PHLDB2: variants seen among roughly 807,000 people sequenced by gnomAD.
PHLDB2 encodes pleckstrin homology-like domain family B member 2.
PHLDB2 carries 71 observed loss-of-function variants against 123.6 expected under a neutral mutation model. The observed-to-expected ratio is 0.57, with a 90% CI of 0.47 to 0.70. The LOEUF is 0.70. Ranked by LOEUF, PHLDB2 falls within the 30% of genes least tolerant of loss-of-function variation. The pLI is 0.00. For synonymous variants in PHLDB2, 547 were observed against 541.6 expected (o/e 1.01, Z -0.14); for missense variants, 1,446 against 1,519.5 (o/e 0.95, Z 0.80).
intron 1 of PHLDB2, among the ~76,000 whole-genome samples, chr3:111,776,099 G>A (rs1576561085): frequency 6.6e-6 from 1 of 152,148 alleles, no homozygotes; most frequent in South Asian, 2.1e-4. Flanking sequence ...TAGACTGAGA[G>A]CCCCTCATAA....
intron 1 of PHLDB2, among the ~76,000 whole-genome samples, chr3:111,770,714 C>T (rs1576550130): frequency 6.6e-6 from 1 of 152,308 alleles, no homozygotes; most frequent in Non-Finnish European, 1.5e-5. Flanking sequence ...TTACACAGTT[C>T]CCACCTCACA....
At chr3:111,913,928 G>A (rs766974604) in intron 3 of PHLDB2, 7 of 559,236 alleles carry the variant, frequency 1.3e-5, no homozygotes, top group Non-Finnish European at 2.2e-5. Flanking sequence ...TAGAAAGAAA[G>A]CACATTTCTC....
intron 1 of PHLDB2, among the ~76,000 whole-genome samples, chr3:111,869,023 A>T (rs16858743): frequency 0.029 from 4,475 of 152,312 alleles, 160 homozygotes; most frequent in South Asian, 0.13. Flanking sequence ...ATTTCTAACA[A>T]TTCCTAACGT....
intron 2 of PHLDB2, among the ~76,000 whole-genome samples, chr3:111,892,630 G>A (rs2066569373): frequency 6.6e-6 from 1 of 152,078 alleles, no homozygotes; most frequent in South Asian, 2.1e-4. Context: ...CTTCCAGAAA[G>A]GGGAAATTCT....
At chr3:111,876,929 A>G (rs924023534) in intron 1 of PHLDB2, among the ~76,000 whole-genome samples, 1 of 152,210 alleles carries the variant, frequency 6.6e-6, no homozygotes, top group South Asian at 2.1e-4. Context: ...ATAGTATTCC[A>G]TGGTGTATAT....
intron 1 of PHLDB2, among the ~76,000 whole-genome samples, chr3:111,766,472 A>T (rs555962851): frequency 4.1e-4 from 62 of 152,164 alleles, no homozygotes; most frequent in African/African-American, 1.5e-3. Flanking sequence ...ATCTGATGAA[A>T]TCTAAGAAAC....
At chr3:111,754,015 G>A (rs2059834391) in intron 1 of PHLDB2, among the ~76,000 whole-genome samples, 2 of 152,108 alleles carry the variant, frequency 1.3e-5, no homozygotes. Flanking sequence ...CTATATCTCT[G>A]TTTTGGTACC....
chr3:111,870,836 A>C (rs1424496010), intron 1 of PHLDB2, among the ~76,000 whole-genome samples: 3 of 152,190 alleles, frequency 2.0e-5, no homozygotes, highest in Admixed American at 6.5e-5. Context: ...CAGTGCTGAA[A>C]GAGACCAGCC....
At chr3:111,856,596 G>A (rs1256011152), upstream of PHLDB2, among the ~76,000 whole-genome samples, 1 of 152,198 alleles carries the variant, frequency 6.6e-6, no homozygotes, top group Non-Finnish European at 1.5e-5. Context: ...TAAATGTGCT[G>A]TGTTGGTGCA....
Position 111,884,801 on chromosome 3 carries a change from T to G in PHLDB2, c.724T>G (p.Ser242Ala). 6.2e-7 allele frequency: 1 copy of G among 1,614,000 alleles called. No individual in the cohort carries two copies. Residue 242 changes from serine to alanine, a missense_variant, in exon 2 of 18, where the codon TCC (serine) becomes GCC (alanine). Physicochemically the swap from Ser to Ala is moderately conservative, Grantham distance 99 (BLOSUM62 1). Around this residue, in one of 3 missense-constraint regions of PHLDB2, gnomAD observed 832 missense variants for 831.9 expected, o/e 1.00. Coordinates refer to ENST00000431670, the MANE Select transcript of PHLDB2 (RefSeq NM_001134438.2). The stretch of plus-strand genomic sequence containing the variant: ...CATCAATTTGAGAACTAGGAAGTAC[T>G]CCAGCAGCAGCCTGAGTCACATGGG... ...ENINLRTRKY[S>A]SSSLSHMGAY...
At chr3:111,929,671 T>G (rs2069002080) in intron 5 of PHLDB2, among the ~76,000 whole-genome samples, 1 of 152,132 alleles carries the variant, frequency 6.6e-6, no homozygotes, top group African/African-American at 2.4e-5. Context: ...CTGTGATTTA[T>G]AGCCAGGCCC....
chr3:111,949,246 C>G (rs548255528), intron 10 of PHLDB2, among the ~76,000 whole-genome samples, 171 bp downstream of exon 10: 2 of 152,170 alleles, frequency 1.3e-5, no homozygotes, highest in Non-Finnish European at 2.9e-5. Context: ...GGGGGTAATG[C>G]TCTGCCAATA....
chr3:111,906,663 C>T (rs2067553856), intron 2 of PHLDB2, among the ~76,000 whole-genome samples: 1 of 152,166 alleles, frequency 6.6e-6, no homozygotes, highest in Non-Finnish European at 1.5e-5. Flanking sequence ...TCACGTATGT[C>T]TCACTCTCAG....
rs3082317 is a variant in PHLDB2, at chr3:111,839,940, C to CTTTTTTTTTTTTTTTTTTTTTTTTTTT, written c.-48-5857_-48-5856insTTTTTTTTTTTTTTTTTTTTTTTTTTT. Among the ~76,000 whole-genome samples, 2 of 64,940 alleles carry CTTTTTTTTTTTTTTTTTTTTTTTTTTT rather than the reference C, an allele frequency of 3.1e-5. 1 individual carries two copies. 42.6% of individuals were successfully genotyped at this position (64,940 alleles called of 152,430 possible). A position where few individuals can be genotyped will look rare whatever the true frequency, so the allele number is the denominator to read the frequency against. On this transcript the variant is annotated intron_variant, in intron 1 of 17. Transcript: ENST00000393923. ...TTTGTTTAAAAGCCCCCCACCCCCGCTTTTTTTTTTTTTTTTTTTTTTTTG... is the reference window on the plus strand; with the variant it reads ...TTTGTTTAAAAGCCCCCCACCCCCGCTTTTTTTTTTTTTTTTTTTTTTTTTTTTTTTTTTTTTTTTTTTTTTTTTTTG...
At chr3:111,743,424 C>G (rs1356738736) in intron 1 of PHLDB2, among the ~76,000 whole-genome samples, 1 of 152,108 alleles carries the variant, frequency 6.6e-6, no homozygotes, top group East Asian at 1.9e-4. Context: ...GGGACTTCTG[C>G]CTCGTGGACA....
chr3:111,960,832 T>C (rs1336562284), intron 12 of PHLDB2, among the ~76,000 whole-genome samples: 1 of 152,250 alleles, frequency 6.6e-6, no homozygotes, highest in African/African-American at 2.4e-5. Context: ...TTACAAACTC[T>C]AGTACTGGCT....
intron 1 of PHLDB2, among the ~76,000 whole-genome samples, chr3:111,841,982 G>C (rs1236232931): frequency 6.6e-6 from 1 of 152,192 alleles, no homozygotes; most frequent in Admixed American, 6.5e-5. Flanking sequence ...GACTCACACA[G>C]ATCTAGGTCT....
At chr3:111,774,715 G>C (rs1444456330) in intron 1 of PHLDB2, among the ~76,000 whole-genome samples, 2 of 152,150 alleles carry the variant, frequency 1.3e-5, no homozygotes, top group Non-Finnish European at 2.9e-5. Flanking sequence ...AAAGAACACT[G>C]TCAATTTACT....
In PHLDB2 at chr3:111,949,029, C is replaced by T. The variant is rs2070516671; in HGVS notation, c.2585C>T (p.Thr862Ile). 1.9e-6 allele frequency: 3 copies of T among 1,613,808 alleles called. No individual in the cohort carries two copies. The highest frequency in any genetic ancestry group is 2.7e-5 in the African/African-American group (2 of 75,036). The stretch of plus-strand genomic sequence containing the variant: ...CCTGCTGATGCTGATGCTGTTGCCA[C>T]TGAGCCTGCCACAGCTGTGCTGGCG... ...QFPADADAVA[T>I]EPATAVLASQ... Residue 862 changes from threonine to isoleucine, a missense_variant, in exon 10 of 18, where the codon ACT becomes ATT. Coordinates refer to ENST00000431670, the MANE Select transcript of PHLDB2 (RefSeq NM_001134438.2).
Sources: allele counts gnomAD v4.1 joint callset (sites outside exome capture counted in the v4.1 genomes callset), GRCh38; gene constraint gnomAD v4.1.1; regional missense constraint gnomAD v4.1.1; transcripts MANE v1.5; gene names NCBI Gene and HGNC (gene_info 2026-07-23, HGNC 2026-07-21).